ATP11C: variants seen among roughly 807,000 people sequenced by gnomAD.
ATP11C encodes the protein ATPase phospholipid transporting 11C (ATP11C blood group), also known as phospholipid-transporting ATPase IG.
A neutral mutation model predicts 97.4 loss-of-function variants in ATP11C; 36 were observed. That is an observed-to-expected ratio of 0.37 (90% confidence interval 0.28 to 0.49). ATP11C has a LOEUF of 0.49. ATP11C is among the 20% of genes least tolerant of loss of function. The pLI is 0.98. For missense variants in ATP11C, 730 were observed against 824.6 expected (o/e 0.89, Z 1.40); for synonymous variants, 275 against 290.9 (o/e 0.95, Z 0.56).
At chrX:139,842,816 C>T (rs975966942) in intron 1 of ATP11C, among the ~76,000 whole-genome samples, 19 of 111,887 alleles carry the variant, frequency 1.7e-4, no homozygotes, top group African/African-American at 6.2e-4. Context: ...CTAGAGTCTG[C>T]ATACAATGAC....
At chrX:139,797,418 G>A in intron 10 of ATP11C, 92 bp from the exon 11 acceptor site, 2 of 625,437 alleles carry the variant, frequency 3.2e-6, no homozygotes, top group Non-Finnish European at 4.7e-6. Context: ...TTCTGTGTAC[G>A]ACGCGTAACT....
At chrX:139,828,016 C>T (rs904639474) in intron 1 of ATP11C, among the ~76,000 whole-genome samples, 1 of 111,579 alleles carries the variant, frequency 9.0e-6, no homozygotes, top group Non-Finnish European at 1.9e-5. Flanking sequence ...ATGATATTGC[C>T]TTCAAAATTT....
intron 6 of ATP11C, among the ~76,000 whole-genome samples, chrX:139,802,856 A>G (rs749779321): frequency 2.5e-4 from 28 of 112,186 alleles, no homozygotes; most frequent in African/African-American, 3.9e-4. Flanking sequence ...AAAATGTTCA[A>G]TATGGATACA....
intron 1 of ATP11C, among the ~76,000 whole-genome samples, chrX:139,906,597 G>C (rs1198917195): frequency 2.9e-4 from 32 of 109,173 alleles, no homozygotes; most frequent in African/African-American, 1.0e-3. Flanking sequence ...GCCTGGCCAA[G>C]ATGGTAAAAC....
intron 16 of ATP11C, 79 bp from the exon 17 acceptor site, chrX:139,783,346 G>A (rs555311111): frequency 4.3e-5 from 29 of 675,849 alleles, no homozygotes; most frequent in African/African-American, 3.2e-4. Flanking sequence ...CTTTTAAAGC[G>A]GTCTCTCTCA....
chrX:139,845,531 G>A (rs980925912), intron 1 of ATP11C, among the ~76,000 whole-genome samples: 7 of 111,802 alleles, frequency 6.3e-5, no homozygotes, highest in African/African-American at 1.9e-4. Context: ...AGTGAGTAGA[G>A]GAAATGGAGA....
intron 1 of ATP11C, among the ~76,000 whole-genome samples, chrX:139,843,541 A>T (rs1353462990): frequency 8.9e-6 from 1 of 111,803 alleles, no homozygotes; most frequent in African/African-American, 3.2e-5. Context: ...GTACTCCAAT[A>T]TTTGCAATTT....
intron 10 of ATP11C, 131 bp from the exon 11 acceptor site, chrX:139,797,457 A>G: frequency 2.3e-6 from 1 of 430,906 alleles, no homozygotes; most frequent in Non-Finnish European, 3.6e-6. Flanking sequence ...TATTAACCTC[A>G]GTTATCATAG....
chrX:139,749,506 C>A (rs905811910), intron 24 of ATP11C, among the ~76,000 whole-genome samples: 2 of 111,869 alleles, frequency 1.8e-5, no homozygotes, highest in African/African-American at 3.2e-5. Flanking sequence ...GAAAAGCATC[C>A]ATTTTCAACT....
intron 18 of ATP11C, among the ~76,000 whole-genome samples, chrX:139,782,326 CAA>C (rs1181971834): frequency 1.3e-5 from 1 of 75,991 alleles, no homozygotes; most frequent in African/African-American, 4.9e-5. Flanking sequence ...GACTCTGTCT[CAA>C]AAAAAAAAAA....
chrX:139,893,025 T>C (rs771766655), intron 1 of ATP11C, among the ~76,000 whole-genome samples: 1 of 111,675 alleles, frequency 9.0e-6, no homozygotes, highest in South Asian at 3.7e-4. Context: ...TATACAGAGA[T>C]CTTGTCTCTG....
At chrX:139,853,638 T>C (rs1023061549) in intron 1 of ATP11C, among the ~76,000 whole-genome samples, 2 of 110,306 alleles carry the variant, frequency 1.8e-5, no homozygotes, top group African/African-American at 6.6e-5. Flanking sequence ...AACAAGGACG[T>C]AGCCCGAAAG....
At chrX:139,869,168 T>G (rs1262628009) in intron 1 of ATP11C, among the ~76,000 whole-genome samples, 1 of 111,979 alleles carries the variant, frequency 8.9e-6, no homozygotes, top group Non-Finnish European at 1.9e-5. Context: ...TATCTGTACT[T>G]CCATATTCAT....
chrX:139,825,251 A>G (rs980282195), intron 2 of ATP11C, among the ~76,000 whole-genome samples: 1 of 111,899 alleles, frequency 8.9e-6, no homozygotes, highest in African/African-American at 3.3e-5. Context: ...CTCTTTATTC[A>G]GAGCAACTAG....
chrX:139,782,161 C>T (rs773658163), intron 18 of ATP11C, among the ~76,000 whole-genome samples: 1 of 109,147 alleles, frequency 9.2e-6, no homozygotes, highest in South Asian at 4.1e-4. Context: ...CCCATCTCTA[C>T]TAAAAATACA....
At chrX:139,738,642 A>G (rs2081493899) in intron 27 of ATP11C, among the ~76,000 whole-genome samples, 2 of 111,607 alleles carry the variant, frequency 1.8e-5, no homozygotes, top group Admixed American at 1.9e-4. Context: ...GAATATTGCT[A>G]ATTGGACATT....
chrX:139,808,293 G>A (rs2083089041), intron 5 of ATP11C, among the ~76,000 whole-genome samples: 1 of 111,342 alleles, frequency 9.0e-6, no homozygotes. Context: ...AGTACCGGAA[G>A]AATAGAGAGA....
At chrX:139,910,462 C>T (rs1400843162) in intron 1 of ATP11C, among the ~76,000 whole-genome samples, 4 of 109,912 alleles carry the variant, frequency 3.6e-5, no homozygotes, top group Non-Finnish European at 7.6e-5. Flanking sequence ...AAAAATTAGC[C>T]GGGCATGGTG....
At chrX:139,922,223 A>ATATATAT (rs2085272092) in intron 1 of ATP11C, among the ~76,000 whole-genome samples, 1 of 43,761 alleles carries the variant, frequency 2.3e-5, no homozygotes, top group Non-Finnish European at 4.3e-5. Flanking sequence ...TCCTTCTCTA[A>ATATATAT]ATATATATAT....
Sources: allele counts gnomAD v4.1 joint callset (sites outside exome capture counted in the v4.1 genomes callset), GRCh38; gene constraint gnomAD v4.1.1; transcripts MANE v1.5; gene names NCBI Gene and HGNC (gene_info 2026-07-23, HGNC 2026-07-21).